DCAF8L2: variants seen among roughly 807,000 people sequenced by gnomAD.
DCAF8L2 encodes the protein DDB1- and CUL4-associated factor 8-like protein 2.
For missense variants in DCAF8L2, 430 were observed against 490.7 expected (o/e 0.88, Z 1.17); for synonymous variants, 200 against 190.9 (o/e 1.05, Z -0.39).
At chrX:27,552,777 A>T in the DCAF8L2 span, among the ~76,000 whole-genome samples, 2 of 111,805 alleles carry the variant, frequency 1.8e-5, no homozygotes, top group African/African-American at 6.5e-5. Flanking sequence ...TTGGCTATTC[A>T]AGGCCATATA....
chrX:27,644,235 A>G (rs1928854972), intron 2 of DCAF8L2, among the ~76,000 whole-genome samples: 1 of 112,550 alleles, frequency 8.9e-6, no homozygotes, highest in Non-Finnish European at 1.9e-5. Flanking sequence ...TGTACCACAC[A>G]TATACACATA....
chrX:27,689,794 T>C (rs927470009), intron 3 of DCAF8L2, among the ~76,000 whole-genome samples: 8 of 112,008 alleles, frequency 7.1e-5, no homozygotes, highest in South Asian at 3.7e-4. Flanking sequence ...GTTCCTGTCT[T>C]TATGGATTTC....
intron 3 of DCAF8L2, among the ~76,000 whole-genome samples, chrX:27,708,929 C>CT (rs936524928): frequency 8.9e-6 from 1 of 111,744 alleles, no homozygotes; most frequent in Non-Finnish European, 1.9e-5. Flanking sequence ...TTTCTTTTTT[C>CT]TTTTTTTACA....
chrX:27,705,699 A>G (rs1248677674), intron 3 of DCAF8L2, among the ~76,000 whole-genome samples: 1 of 111,929 alleles, frequency 8.9e-6, no homozygotes, highest in African/African-American at 3.3e-5. Flanking sequence ...CTTTTATCAA[A>G]TGCATAGTTT....
chrX:27,514,000 C>CAG, the DCAF8L2 span, among the ~76,000 whole-genome samples: 2 of 112,033 alleles, frequency 1.8e-5, no homozygotes, highest in African/African-American at 3.2e-5. Flanking sequence ...AATCCCACTA[C>CAG]TGGGTATATA....
chrX:27,656,786 G>GTTTA (rs375973366), intron 2 of DCAF8L2, among the ~76,000 whole-genome samples: 12 of 111,789 alleles, frequency 1.1e-4, no homozygotes, highest in African/African-American at 3.9e-4. Flanking sequence ...CTAACTTTCT[G>GTTTA]TTTATTCTAT....
chrX:27,729,861 T>C (rs1921087461), intron 4 of DCAF8L2, among the ~76,000 whole-genome samples: 1 of 111,848 alleles, frequency 8.9e-6, no homozygotes, highest in African/African-American at 3.3e-5. Flanking sequence ...ATTTTGATGC[T>C]GTACTCCTAG....
At chrX:27,511,813 G>A in the DCAF8L2 span, among the ~76,000 whole-genome samples, 1,979 of 112,207 alleles carry the variant, frequency 0.018, 22 homozygotes, top group Non-Finnish European at 0.028. Flanking sequence ...TTTGCCAACT[G>A]TGAAGTGAAG....
the DCAF8L2 span, among the ~76,000 whole-genome samples, chrX:27,499,841 G>A: frequency 0.011 from 1,163 of 108,587 alleles, 8 homozygotes; most frequent in African/African-American, 0.038. Context: ...GGTGGTGGGG[G>A]GGGGTACAGG....
chrX:27,608,313 T>C (rs938318164), intron 1 of DCAF8L2, among the ~76,000 whole-genome samples: 42 of 111,874 alleles, frequency 3.8e-4, no homozygotes, highest in African/African-American at 1.1e-3. Flanking sequence ...ACCAATTAAA[T>C]AGGGAATGTT....
intron 1 of DCAF8L2, among the ~76,000 whole-genome samples, chrX:27,599,456 G>A (rs1192139888): frequency 1.8e-5 from 2 of 111,442 alleles, no homozygotes; most frequent in Admixed American, 9.6e-5. Context: ...GCACAATCTA[G>A]TGCTTAGAGT....
At chrX:27,550,031 T>C in the DCAF8L2 span, among the ~76,000 whole-genome samples, 1 of 112,123 alleles carries the variant, frequency 8.9e-6, no homozygotes, top group Non-Finnish European at 1.9e-5. Flanking sequence ...TTCTCTCCAA[T>C]GCTGATGCCC....
intron 2 of DCAF8L2, among the ~76,000 whole-genome samples, chrX:27,647,212 T>C (rs1928974167): frequency 8.9e-6 from 1 of 112,174 alleles, no homozygotes. Flanking sequence ...ATATACACCA[T>C]GGAGTACTAT....
chrX:27,622,251 C>T (rs1413475587), intron 1 of DCAF8L2, among the ~76,000 whole-genome samples: 1 of 104,295 alleles, frequency 9.6e-6, no homozygotes, highest in Non-Finnish European at 1.9e-5. Flanking sequence ...GGTGAAACCC[C>T]GTCTCTACTA....
the DCAF8L2 span, among the ~76,000 whole-genome samples, chrX:27,559,767 C>T: frequency 9.0e-6 from 1 of 111,402 alleles, no homozygotes; most frequent in African/African-American, 3.3e-5. Context: ...GATTTCTGTT[C>T]GGTGTTAACA....
intron 4 of DCAF8L2, among the ~76,000 whole-genome samples, chrX:27,734,265 C>G (rs1187502777): frequency 9.0e-6 from 1 of 111,227 alleles, no homozygotes; most frequent in Non-Finnish European, 1.9e-5. Flanking sequence ...TTGCAGATGC[C>G]TGGTCCAACT....
chrX:27,527,269 T>A, the DCAF8L2 span, among the ~76,000 whole-genome samples: 1 of 111,940 alleles, frequency 8.9e-6, no homozygotes, highest in Admixed American at 9.5e-5. Context: ...CAGTTCGATC[T>A]CAGACTGCTG....
chrX:27,489,103 GT>G, the DCAF8L2 span, among the ~76,000 whole-genome samples: 1 of 110,281 alleles, frequency 9.1e-6, no homozygotes. Context: ...GTTTTTGTTT[GT>G]TTGTTTGTTT....
chrX:27,573,233 ATCTCTC>A, the DCAF8L2 span, among the ~76,000 whole-genome samples: 7 of 83,559 alleles, frequency 8.4e-5, no homozygotes, highest in South Asian at 3.1e-3. Context: ...TATTTAAGAA[ATCTCTC>A]TCTCTCTCTC....
Sources: gnomAD v4.1 joint callset for allele counts (sites outside exome capture counted in the v4.1 genomes callset) on GRCh38, gnomAD v4.1.1 for gene constraint, MANE v1.5 for transcripts, NCBI Gene and HGNC (gene_info 2026-07-23, HGNC 2026-07-21) for gene names.